Variants in GALNT10 observed in about 807,000 individuals in gnomAD.
The protein encoded by GALNT10 is GalNAc transferase 10.
Under a neutral mutation model 75.0 loss-of-function variants are expected in GALNT10, and 41 were observed. The ratio of observed to expected loss-of-function variants is 0.55; its 90% confidence interval spans 0.43 to 0.71. The LOEUF is 0.71. GALNT10 is among the 30% of genes least tolerant of loss of function. The probability of loss-of-function intolerance (pLI) is 0.00; values close to 1 mark genes in which losing one functional copy is unlikely to be tolerated. For missense variants in GALNT10, 727 were observed against 818.5 expected, an observed-to-expected ratio of 0.89 and a Z score of 1.36; for synonymous variants, 302 against 313.0, an observed-to-expected ratio of 0.96 and a Z score of 0.37.
Position 154,298,125 on chromosome 5 carries a change from T to G in GALNT10, c.401+46T>G. On this transcript the variant is annotated intron_variant, in intron 3 of 11. Transcript: ENST00000297107. This position sits in a 1 kb window ranked among gnomAD's most constrained non-coding sequence, Gnocchi z 4.1. ...ATTCTGAGATCTAAGGATGTTTCCC[T>G]GGCTGTTGTTGAGAATTAATTAAGG... 6.4e-7 allele frequency: 1 copy of G among 1,566,382 alleles called. No individual in the cohort carries two copies. The highest frequency in any genetic ancestry group is 8.7e-7 in the Non-Finnish European group (1 of 1,144,250).
intron 1 of GALNT10, among the ~76,000 whole-genome samples, chr5:154,259,398 G>A (rs1039280140): frequency 2.0e-5 from 3 of 152,130 alleles, no homozygotes; most frequent in African/African-American, 7.2e-5. Flanking sequence ...TATTATGGGT[G>A]ATATAACTTT....
intron 7 of GALNT10, among the ~76,000 whole-genome samples, chr5:154,396,496 C>CT (rs1756022239): frequency 1.9e-5 from 1 of 51,746 alleles, no homozygotes; most frequent in Admixed American, 2.2e-4. Flanking sequence ...TGGGTCCAGA[C>CT]CTTAGGAAAA....
chr5:154,238,298 A>G (rs1384742371), intron 1 of GALNT10, among the ~76,000 whole-genome samples: 1 of 42,188 alleles, frequency 2.4e-5, no homozygotes, highest in Non-Finnish European at 5.5e-5. Flanking sequence ...TTAAATGTTA[A>G]AAAAAAAAAA....
chr5:154,249,862 C>G (rs944731066), intron 1 of GALNT10, among the ~76,000 whole-genome samples: 1 of 152,156 alleles, frequency 6.6e-6, no homozygotes, highest in African/African-American at 2.4e-5. Flanking sequence ...CACAGATCAC[C>G]CATGTTGGCC....
chr5:154,400,294 G>A (rs542164588), intron 7 of GALNT10, among the ~76,000 whole-genome samples: 95 of 152,304 alleles, frequency 6.2e-4, no homozygotes, highest in African/African-American at 1.9e-3. Context: ...GCCCTGCTGG[G>A]TGCTCGCTGC....
At chr5:154,195,742 C>T (rs1166471058) in intron 1 of GALNT10, among the ~76,000 whole-genome samples, 1 of 152,118 alleles carries the variant, frequency 6.6e-6, no homozygotes, top group Non-Finnish European at 1.5e-5. Context: ...AATTTTTTCC[C>T]TCCATATACT....
chr5:154,282,523 C>A (rs1439430463), intron 1 of GALNT10, among the ~76,000 whole-genome samples: 4 of 152,208 alleles, frequency 2.6e-5, no homozygotes, highest in African/African-American at 9.6e-5. Flanking sequence ...GGATATACAG[C>A]AATTTCTGCC....
At chr5:154,377,137 C>G (rs1755661816) in intron 5 of GALNT10, among the ~76,000 whole-genome samples, 1 of 152,180 alleles carries the variant, frequency 6.6e-6, no homozygotes, top group Non-Finnish European at 1.5e-5. Flanking sequence ...CACTAGCCCT[C>G]CACCACAGCC....
intron 1 of GALNT10, among the ~76,000 whole-genome samples, chr5:154,281,335 C>T (rs1370093738): frequency 6.6e-6 from 1 of 152,190 alleles, no homozygotes. Context: ...AGTATTTTAA[C>T]ATCAGTTTTC....
At chr5:154,237,417 T>C (rs1753263905) in intron 1 of GALNT10, among the ~76,000 whole-genome samples, 1 of 152,124 alleles carries the variant, frequency 6.6e-6, no homozygotes, top group South Asian at 2.1e-4. Context: ...TCCAGGCTAT[T>C]CATTGTGTGT....
intron 3 of GALNT10, among the ~76,000 whole-genome samples, chr5:154,308,627 C>T (rs142201880): frequency 1.8e-3 from 277 of 152,302 alleles, no homozygotes; most frequent in African/African-American, 6.4e-3. Context: ...ACCCAACTGA[C>T]GTATCCAGAG....
chr5:154,243,059 T>C (rs1289952706), intron 1 of GALNT10, among the ~76,000 whole-genome samples: 1 of 152,230 alleles, frequency 6.6e-6, no homozygotes, highest in Non-Finnish European at 1.5e-5. Flanking sequence ...ACTAGCTGTG[T>C]GACCTTGAGC....
intron 1 of GALNT10, among the ~76,000 whole-genome samples, chr5:154,206,634 A>G (rs1374385494): frequency 6.6e-6 from 1 of 152,226 alleles, no homozygotes; most frequent in Non-Finnish European, 1.5e-5. Flanking sequence ...AACTTTAGCA[A>G]AGTGTACATG....
chr5:154,403,491 AG>A (rs1350010445), intron 7 of GALNT10, among the ~76,000 whole-genome samples: 1 of 152,344 alleles, frequency 6.6e-6, no homozygotes, highest in Admixed American at 6.5e-5. Flanking sequence ...CAGAGAAGGC[AG>A]GGCAGGGAGG....
intron 1 of GALNT10, among the ~76,000 whole-genome samples, chr5:154,240,749 G>A (rs1303232083): frequency 6.6e-6 from 1 of 152,196 alleles, no homozygotes; most frequent in East Asian, 1.9e-4. Flanking sequence ...CTTGGATAAG[G>A]AAAGAGAAAT....
At chr5:154,250,987 C>G (rs2098668) in intron 1 of GALNT10, among the ~76,000 whole-genome samples, 140 of 152,034 alleles carry the variant, frequency 9.2e-4, no homozygotes, top group African/African-American at 3.2e-3. Context: ...GTCCAGGGAC[C>G]GGGATAAAAG....
At chr5:154,279,389 C>T (rs769724654) in intron 1 of GALNT10, among the ~76,000 whole-genome samples, 6 of 151,158 alleles carry the variant, frequency 4.0e-5, no homozygotes, top group Non-Finnish European at 5.9e-5. Flanking sequence ...CCACAACCTC[C>T]GCCTCCCAGG....
At chr5:154,192,640 A>G (rs988513300) in intron 1 of GALNT10, among the ~76,000 whole-genome samples, 1 of 152,232 alleles carries the variant, frequency 6.6e-6, no homozygotes, top group Non-Finnish European at 1.5e-5. Flanking sequence ...CAGTTAATCA[A>G]TGAGGAATAC....
At chr5:154,322,150 AG>A (rs1754685585) in intron 3 of GALNT10, among the ~76,000 whole-genome samples, 1 of 152,186 alleles carries the variant, frequency 6.6e-6, no homozygotes, top group South Asian at 2.1e-4. Flanking sequence ...GGGTCTCACC[AG>A]GCTAAAATCA....
Sources: allele counts gnomAD v4.1 joint callset (sites outside exome capture counted in the v4.1 genomes callset), GRCh38; gene constraint gnomAD v4.1.1; non-coding constraint Gnocchi (gnomAD v3.1); transcripts MANE v1.5; gene names NCBI Gene and HGNC (gene_info 2026-07-23, HGNC 2026-07-21).